ATP2B2: variants seen among roughly 807,000 people sequenced by gnomAD.
The protein encoded by ATP2B2 is ATPase plasma membrane Ca2+ transporting 2, also known as plasma membrane calcium-transporting ATPase 2.
ATP2B2 carries 15 observed loss-of-function variants against 120.0 expected under a neutral mutation model. That is an observed-to-expected ratio of 0.12 (90% CI 0.08 to 0.19). The LOEUF (loss-of-function observed/expected upper bound fraction) is 0.19, where lower values mean the gene tolerates loss of function less well. ATP2B2 is among the 10% of genes least tolerant of loss of function. The probability of loss-of-function intolerance (pLI) is 1.00; values close to 1 mark genes in which losing one functional copy is unlikely to be tolerated. For synonymous variants in ATP2B2, 694 were observed against 700.3 expected, an observed-to-expected ratio of 0.99 and a Z score of 0.14; for missense variants, 1,045 against 1,719.8, an observed-to-expected ratio of 0.61 and a Z score of 6.94.
chr3:10,409,593 C>A (rs2062536757), intron 3 of ATP2B2, among the ~76,000 whole-genome samples: 1 of 152,004 alleles, frequency 6.6e-6, no homozygotes. Context: ...GTCTTTAAAC[C>A]CTCTATGGGA....
At chr3:10,437,932 A>G (rs1327465669) in intron 2 of ATP2B2, among the ~76,000 whole-genome samples, 4 of 152,208 alleles carry the variant, frequency 2.6e-5, no homozygotes, top group Non-Finnish European at 5.9e-5. Flanking sequence ...AGACACTGGG[A>G]GAAGATGGCC....
chr3:10,498,037 G>A (rs748556029), intron 1 of ATP2B2, among the ~76,000 whole-genome samples: 4 of 152,150 alleles, frequency 2.6e-5, no homozygotes, highest in African/African-American at 2.4e-5. Context: ...ACTACTTTAC[G>A]TATATTTAAG....
At position 10,555,448 on chromosome 3, in the gene ATP2B2, C is replaced by T. The variant is rs145373344; in HGVS notation, c.-414-21315G>A. 3.2e-3 allele frequency among the ~76,000 whole-genome samples: 486 copies of T among 152,352 alleles called. 3 individuals are homozygous for T. Among genetic ancestry groups the T allele is most frequent in the Non-Finnish European group, 3.9e-3 (266 of 68,026 alleles). ...TCAAGGTCCAGAGCAAATGCTGCCT[C>T]CTCCGGGAAGCCTTCCCTGACCTCC... On this transcript the variant is annotated intron_variant, in intron 2 of 21. Transcript: ENST00000646379.
chr3:10,518,658 T>C (rs918887660), intron 3 of ATP2B2, among the ~76,000 whole-genome samples: 4 of 152,248 alleles, frequency 2.6e-5, no homozygotes, highest in African/African-American at 9.6e-5. Flanking sequence ...CACACATTCC[T>C]GGCCTAGTTA....
intron 2 of ATP2B2, among the ~76,000 whole-genome samples, chr3:10,447,707 G>A (rs973864873): frequency 3.3e-5 from 5 of 152,178 alleles, no homozygotes; most frequent in African/African-American, 1.2e-4. Flanking sequence ...CCAGGGATAA[G>A]TGAGCACAAG....
At chr3:10,647,595 T>C (rs965759112) in intron 1 of ATP2B2, among the ~76,000 whole-genome samples, 29 of 152,096 alleles carry the variant, frequency 1.9e-4, no homozygotes, top group African/African-American at 6.7e-4. Context: ...GAGATGGCCC[T>C]GGTAAGGTTT....
intron 2 of ATP2B2, among the ~76,000 whole-genome samples, chr3:10,580,111 C>T (rs567192918): frequency 4.6e-5 from 7 of 152,226 alleles, no homozygotes; most frequent in South Asian, 2.1e-4. Flanking sequence ...GTGTGGATTA[C>T]GGGCCATGTA....
chr3:10,397,341 A>G (rs899489405), intron 5 of ATP2B2, among the ~76,000 whole-genome samples: 3 of 152,216 alleles, frequency 2.0e-5, no homozygotes, highest in Admixed American at 6.5e-5. Flanking sequence ...CAGGGCCTAT[A>G]AAAGTGAGAC....
chr3:10,698,109 T>C (rs780769984), intron 1 of ATP2B2, among the ~76,000 whole-genome samples: 1 of 152,188 alleles, frequency 6.6e-6, no homozygotes, highest in Non-Finnish European at 1.5e-5. Context: ...TAAGTCCTGG[T>C]CCATTTAATC....
intron 1 of ATP2B2, among the ~76,000 whole-genome samples, chr3:10,679,083 T>G (rs1392839180): frequency 1.3e-5 from 2 of 152,136 alleles, no homozygotes; most frequent in African/African-American, 4.8e-5. Context: ...GGTCTACAGC[T>G]GCAAGGAAAT....
At chr3:10,345,336 G>A (rs569132425) in intron 18 of ATP2B2, 48 bp downstream of exon 18, 5 of 1,604,644 alleles carry the variant, frequency 3.1e-6, no homozygotes, top group Non-Finnish European at 3.4e-6. Flanking sequence ...CCTCTGTGGG[G>A]GGTCTCCGCC....
chr3:10,432,315 G>A (rs973381452), intron 2 of ATP2B2, among the ~76,000 whole-genome samples: 3 of 152,328 alleles, frequency 2.0e-5, no homozygotes, highest in Middle Eastern at 3.4e-3. Context: ...TGACTCAGGC[G>A]AGATCTCCAT....
chr3:10,579,940 G>T (rs2068349008), intron 2 of ATP2B2, among the ~76,000 whole-genome samples: 1 of 152,172 alleles, frequency 6.6e-6, no homozygotes, highest in Non-Finnish European at 1.5e-5. Flanking sequence ...GCTCAAAAAA[G>T]TTTCTAACGC....
intron 2 of ATP2B2, among the ~76,000 whole-genome samples, chr3:10,550,812 G>A (rs1435400343): frequency 6.6e-6 from 1 of 152,200 alleles, no homozygotes; most frequent in African/African-American, 2.4e-5. Flanking sequence ...GTGAGGTCAT[G>A]GTGAAGGCGA....
At position 10,558,797 on chromosome 3, in the gene ATP2B2, T is replaced by A. The variant is rs533810097; in HGVS notation, c.-414-24664A>T. On this transcript the variant is annotated intron_variant, in intron 2 of 21. Transcript: ENST00000646379. ...CTCAGAAGCAAAATATGGAGAAAGA[T>A]GGATGAGGGGAGAGCACGGAATAAC... 2.0e-5 allele frequency among the ~76,000 whole-genome samples: 3 copies of A among 151,382 alleles called. No homozygotes were observed. In the South Asian group the frequency reaches 6.3e-4, roughly 32 times the overall value.
At chr3:10,359,135 T>C (rs1374261093) in intron 13 of ATP2B2, among the ~76,000 whole-genome samples, 2 of 152,170 alleles carry the variant, frequency 1.3e-5, no homozygotes, top group Admixed American at 6.5e-5. Flanking sequence ...TTTGATGTAT[T>C]ATATACTCAC....
intron 2 of ATP2B2, among the ~76,000 whole-genome samples, chr3:10,541,273 C>A (rs1424575788): frequency 6.6e-6 from 1 of 152,042 alleles, no homozygotes; most frequent in Non-Finnish European, 1.5e-5. Context: ...TTATCGATTT[C>A]TACTCTTAAC....
intron 21 of ATP2B2, chr3:10,338,724 A>C: frequency 3.2e-6 from 1 of 317,016 alleles, no homozygotes; most frequent in African/African-American, 2.2e-5. Context: ...ATTTAACCTC[A>C]CCGAGCTTTG....
intron 13 of ATP2B2, among the ~76,000 whole-genome samples, 156 bp downstream of exon 13, chr3:10,359,726 C>T (rs1288630573): frequency 6.6e-6 from 1 of 151,724 alleles, no homozygotes; most frequent in Non-Finnish European, 1.5e-5. Context: ...TGACCTTGGG[C>T]AGGGCCCTCT....
Sources: allele counts gnomAD v4.1 joint callset (sites outside exome capture counted in the v4.1 genomes callset), GRCh38; gene constraint gnomAD v4.1.1; transcripts MANE v1.5; gene names NCBI Gene and HGNC (gene_info 2026-07-23, HGNC 2026-07-21).